Variants in PACS2 observed in about 807,000 individuals in gnomAD.
The protein encoded by PACS2 is PACS1-like protein.
A neutral mutation model predicts 113.0 loss-of-function variants in PACS2; 36 were observed. That is an observed-to-expected ratio of 0.32 (90% CI 0.24 to 0.42). PACS2 has a LOEUF of 0.42. PACS2 is among the 10% of genes least tolerant of loss of function. The pLI is 1.00. For missense variants in PACS2, 1,015 were observed against 1,239.5 expected, an observed-to-expected ratio of 0.82 and a Z score of 2.72; for synonymous variants, 589 against 536.1, an observed-to-expected ratio of 1.10 and a Z score of -1.36.
upstream of PACS2, among the ~76,000 whole-genome samples, chr14:105,312,073 G>A (rs1001149181): frequency 4.6e-5 from 7 of 152,184 alleles, no homozygotes; most frequent in Non-Finnish European, 8.8e-5. Context: ...CCCACTCCCC[G>A]ACTTCAGCAG....
At position 105,334,403 on chromosome 14, in the gene PACS2, G is replaced by C. The variant is rs142066085; in HGVS notation, c.120-14090G>C. On this transcript the variant is annotated intron_variant, in intron 1 of 24. Coordinates refer to ENST00000447393, the MANE Select transcript of PACS2 (RefSeq NM_001100913.3). ...CTCTGTCCTGAGCAGCAGAAAGTAT[G>C]TGCAGGGCTTCACCCTCTTCCCTCT... Among the ~76,000 whole-genome samples the C allele has an allele frequency of 7.9e-4, 120 of 152,306 alleles. 1 individual carries two copies. In the East Asian group the frequency reaches 0.015, roughly 20 times the overall value.
intron 3 of PACS2, among the ~76,000 whole-genome samples, chr14:105,353,557 TA>T (rs2060317595): frequency 6.6e-6 from 1 of 152,116 alleles, no homozygotes; most frequent in African/African-American, 2.4e-5. Context: ...AGAAGATTTG[TA>T]TTTGTTTATT....
chr14:105,332,364 C>T (rs761826527), intron 1 of PACS2, among the ~76,000 whole-genome samples: 7 of 152,178 alleles, frequency 4.6e-5, no homozygotes, highest in Non-Finnish European at 8.8e-5. Flanking sequence ...ACACGGAGCA[C>T]GGGGGTTTTG....
chr14:105,308,186 C>A (rs587754973), intron 1 of PACS2, among the ~76,000 whole-genome samples: 3 of 147,440 alleles, frequency 2.0e-5, no homozygotes, highest in South Asian at 2.1e-4. Context: ...CTGTCCCCCC[C>A]AAAAAAACAA....
At chr14:105,370,873 T>C (rs1251187268) in intron 8 of PACS2, 3 of 152,176 alleles carry the variant, frequency 2.0e-5, no homozygotes, top group African/African-American at 4.8e-5. Context: ...GTTGTTTCTT[T>C]AACGTCAGAA....
In PACS2 at chr14:105,323,929, C is replaced by T. The variant is rs187165651; in HGVS notation, c.119+8892C>T. On this transcript the variant is annotated intron_variant, in intron 1 of 24. Coordinates refer to ENST00000447393, the MANE Select transcript of PACS2 (RefSeq NM_001100913.3). The surrounding 1 kb of genome is among the most constrained non-coding windows in gnomAD (Gnocchi z 4.1). ...CCGTGGCCTGCACGGTGCGTGCACACCGCTCTGTCCGCGCAGGCTGTGCCC... is the reference window on the plus strand; with the variant it reads ...CCGTGGCCTGCACGGTGCGTGCACATCGCTCTGTCCGCGCAGGCTGTGCCC... 1.8e-3 allele frequency among the ~76,000 whole-genome samples: 270 copies of T among 152,344 alleles called. 2 individuals are homozygous for T. The highest frequency in any genetic ancestry group is 6.2e-3 in the African/African-American group (256 of 41,582).
At chr14:105,312,243 C>A (rs587651463), upstream of PACS2, among the ~76,000 whole-genome samples, 47 of 152,346 alleles carry the variant, frequency 3.1e-4, no homozygotes, top group African/African-American at 1.1e-3. Context: ...CTCGGCCCAT[C>A]CTGTCCCATG....
At position 105,370,174 on chromosome 14, in the gene PACS2, T is replaced by TG. The variant is rs1200039791; in HGVS notation, c.801+274_801+275insG. The TG allele has an allele frequency of 1.6e-4, 38 of 244,350 alleles. No individual in the cohort carries two copies. In the Middle Eastern group the frequency reaches 4.9e-3, roughly 31 times the overall value. The allele number at this position is 244,350 out of a possible 1,614,324, so 15.1% of individuals were successfully genotyped here. On this transcript the variant is annotated intron_variant, in intron 8 of 24. Transcript: ENST00000447393. ...GGGGATGTAACCATTAGTTTGTGTGTTTTTTTTTTTATAAATAGACTTTAG... is the reference window on the plus strand; with the variant it reads ...GGGGATGTAACCATTAGTTTGTGTGTGTTTTTTTTTTATAAATAGACTTTAG...
chr14:105,331,298 G>A (rs994562930), intron 1 of PACS2, among the ~76,000 whole-genome samples: 3 of 152,192 alleles, frequency 2.0e-5, no homozygotes, highest in Admixed American at 6.5e-5. Flanking sequence ...GTTTCTGTGC[G>A]ATGATATAGT....
Position 105,352,362 on chromosome 14 carries a change from T to C in PACS2, c.208-16T>C, listed in dbSNP as rs781956857. The C allele has an allele frequency of 2.2e-5, 34 of 1,566,854 alleles. No individual in the cohort carries two copies. The highest frequency in any genetic ancestry group is 1.7e-4 in the Middle Eastern group (1 of 5,986). On this transcript the variant is annotated splice_polypyrimidine_tract_variant and intron_variant, in intron 2 of 24. Coordinates refer to ENST00000447393, the MANE Select transcript of PACS2 (RefSeq NM_001100913.3). Reference sequence around the variant, plus strand: ...ATGCAGTCCTTTGAGCTAGAACAGGTCTTGCTTAATCACAGGGCTCCAAAC... The same window carrying C: ...ATGCAGTCCTTTGAGCTAGAACAGGCCTTGCTTAATCACAGGGCTCCAAAC...
intron 1 of PACS2, among the ~76,000 whole-genome samples, chr14:105,327,402 C>T (rs115288673): frequency 0.037 from 5,604 of 152,244 alleles, 386 homozygotes; most frequent in African/African-American, 0.13. Context: ...CCTTGGCTCC[C>T]GTGGATAGCT....
chr14:105,313,022 G>A (rs749819173), upstream of PACS2, among the ~76,000 whole-genome samples: 63 of 152,146 alleles, frequency 4.1e-4, no homozygotes, highest in Non-Finnish European at 7.1e-4. Flanking sequence ...TCCCTTAAGG[G>A]CTCACAACGG....
At chr14:105,388,728 GAC>G (rs2081261163) in intron 19 of PACS2, 1 of 152,342 alleles carries the variant, frequency 6.6e-6, no homozygotes, top group African/African-American at 2.4e-5. Flanking sequence ...CCGCCTGTAA[GAC>G]AGCCACTTGC....
intron 8 of PACS2, chr14:105,370,777 C>T (rs2061120206): frequency 6.6e-6 from 1 of 152,104 alleles, no homozygotes; most frequent in Non-Finnish European, 1.5e-5. Flanking sequence ...CCAGGCTGGT[C>T]TTGAACTCCT....
chr14:105,368,085 G>C lies in PACS2; in HGVS notation c.598G>C (p.Glu200Gln). The C allele has an allele frequency of 6.2e-7, 1 of 1,605,698 alleles. No individual in the cohort carries two copies. Residue 200 changes from glutamate to glutamine, a missense_variant, in exon 6 of 25, where the codon GAG becomes CAG. Physicochemically the swap from Glu to Gln is conservative, Grantham distance 29. This residue lies in a region of PACS2 where 859 missense variants were observed against 1,056.8 expected (regional missense o/e 0.81). Transcript: ENST00000447393. ...TGTTCATTCCGCAGATAACTACTCC[G>C]AGGAGGAGTATGAGAGCTTCTCCTC... ...PKAKSTDNYS[E>Q]EEYESFSSEQ...
At chr14:105,341,159 G>A (rs1198455365) in intron 1 of PACS2, among the ~76,000 whole-genome samples, 2 of 152,260 alleles carry the variant, frequency 1.3e-5, no homozygotes, top group African/African-American at 4.8e-5. Context: ...TAGATCCCAA[G>A]TGTAGAGAAC....
In PACS2 at chr14:105,309,236, G is replaced by A. The variant is rs970452489; in HGVS notation, c.-83+8257G>A. Among the ~76,000 whole-genome samples, 14 of 152,144 alleles carry A rather than the reference G, an allele frequency of 9.2e-5. No individual in the cohort carries two copies. Among genetic ancestry groups the A allele is most frequent in the African/African-American group, 3.1e-4 (13 of 41,414 alleles). On this transcript the variant is annotated intron_variant, in intron 1 of 23. Coordinates refer to the PACS2 transcript ENST00000430725. This position sits in a 1 kb window ranked among gnomAD's most constrained non-coding sequence, Gnocchi z 4.0. ...AGAAGTGTTAAAATTTATGCATCAA[G>A]GTCCCTCTTAATCTTGGGGCTCAGG...
intron 11 of PACS2, 131 bp from the exon 12 acceptor site, chr14:105,380,821 ATGGCC>A: frequency 2.5e-6 from 2 of 804,464 alleles, no homozygotes; most frequent in South Asian, 4.3e-5. Flanking sequence ...TGGTCAGCGT[ATGGCC>A]GGGTCCACAT....
intron 4 of PACS2, among the ~76,000 whole-genome samples, chr14:105,361,918 C>T (rs1555406568): frequency 6.6e-6 from 1 of 152,056 alleles, no homozygotes; most frequent in African/African-American, 2.4e-5. Flanking sequence ...CATTGCACTC[C>T]AGCCTGGGCG....
Sources: gnomAD v4.1 joint callset for allele counts (sites outside exome capture counted in the v4.1 genomes callset) on GRCh38, gnomAD v4.1.1 for gene constraint, gnomAD v4.1.1 regional missense constraint, Gnocchi (gnomAD v3.1) non-coding constraint, MANE v1.5 for transcripts, NCBI Gene and HGNC (gene_info 2026-07-23, HGNC 2026-07-21) for gene names.